RORA: variants seen among roughly 807,000 people sequenced by gnomAD.
The protein encoded by RORA is nuclear receptor ROR-alpha.
RORA carries 7 observed loss-of-function variants against 69.5 expected under a neutral mutation model. That is an observed-to-expected ratio of 0.10 (90% CI 0.06 to 0.19). RORA has a LOEUF of 0.19. Among genes scored for constraint, RORA ranks in the 10% least tolerant of loss-of-function variants. The probability of loss-of-function intolerance (pLI) is 1.00; values close to 1 mark genes in which losing one functional copy is unlikely to be tolerated. For synonymous variants in RORA, 261 were observed against 240.8 expected, an observed-to-expected ratio of 1.08 and a Z score of -0.78; for missense variants, 457 against 663.0, an observed-to-expected ratio of 0.69 and a Z score of 3.41.
intron 1 of RORA, among the ~76,000 whole-genome samples, chr15:60,680,511 C>T (rs966268718): frequency 2.6e-5 from 4 of 151,936 alleles, no homozygotes; most frequent in South Asian, 2.1e-4. Flanking sequence ...TGCTTGATCT[C>T]GGAGGTCGCA....
Position 61,149,524 on chromosome 15 carries a change from A to G in RORA, c.166+79529T>C, listed in dbSNP as rs1196139065. Among the ~76,000 whole-genome samples, 4 of 152,166 alleles carry G rather than the reference A, an allele frequency of 2.6e-5. No individual in the cohort carries two copies. In the South Asian group the frequency reaches 6.2e-4, roughly 24 times the overall value. ...TATTTATTTATTTATTGCCTTTCCTATCTCCCTCCAGAAAGGATCTGAAGA... is the reference window on the plus strand; with the variant it reads ...TATTTATTTATTTATTGCCTTTCCTGTCTCCCTCCAGAAAGGATCTGAAGA... On this transcript the variant is annotated intron_variant, in intron 1 of 10. Coordinates refer to ENST00000335670, the MANE Select transcript of RORA (RefSeq NM_134261.3).
At chr15:60,876,287 T>C (rs555952649) in intron 1 of RORA, among the ~76,000 whole-genome samples, 1 of 136,932 alleles carries the variant, frequency 7.3e-6, no homozygotes, top group East Asian at 2.3e-4. Flanking sequence ...CTGGGATCTG[T>C]CATTTGTGGG....
intron 1 of RORA, among the ~76,000 whole-genome samples, chr15:60,936,857 CTG>C (rs1892539174): frequency 6.6e-6 from 1 of 152,218 alleles, no homozygotes; most frequent in Non-Finnish European, 1.5e-5. Flanking sequence ...TGAGGACTGT[CTG>C]TAAAACCATT....
intron 1 of RORA, among the ~76,000 whole-genome samples, chr15:61,017,768 C>T (rs1401435011): frequency 6.6e-6 from 1 of 152,164 alleles, no homozygotes; most frequent in Non-Finnish European, 1.5e-5. Context: ...TGATGACGTG[C>T]CACAAAGCAT....
At chr15:61,157,465 A>G (rs2079454578) in intron 1 of RORA, among the ~76,000 whole-genome samples, 3 of 152,214 alleles carry the variant, frequency 2.0e-5, no homozygotes, top group Non-Finnish European at 2.9e-5. Flanking sequence ...AACTACATTT[A>G]TAAAGTTTAA....
intron 3 of RORA, among the ~76,000 whole-genome samples, chr15:60,519,068 T>G (rs1364981621): frequency 6.6e-6 from 1 of 152,220 alleles, no homozygotes; most frequent in Non-Finnish European, 1.5e-5. Context: ...GTGCCTAATT[T>G]ATAAGTTCAA....
chr15:60,659,785 A>G (rs1247893742), intron 2 of RORA, among the ~76,000 whole-genome samples: 5 of 152,226 alleles, frequency 3.3e-5, no homozygotes, highest in East Asian at 1.9e-4. Context: ...AAAAAATTGA[A>G]TAGCATAATC....
chr15:60,721,955 ACAT>A (rs1156414084), intron 1 of RORA, among the ~76,000 whole-genome samples: 4 of 152,258 alleles, frequency 2.6e-5, no homozygotes, highest in Non-Finnish European at 5.9e-5. Flanking sequence ...CTTTAGAAAC[ACAT>A]CAATTGTTTA....
chr15:60,613,101 T>C (rs2069137917), intron 2 of RORA, among the ~76,000 whole-genome samples: 1 of 152,126 alleles, frequency 6.6e-6, no homozygotes. Context: ...ATGTGTTGCA[T>C]AAGTCATTTC....
rs73434288 is a variant in RORA at position 60,990,777 on chromosome 15, C to T, written c.166+238276G>A. Among the ~76,000 whole-genome samples, 713 of 152,154 alleles carry T rather than the reference C, an allele frequency of 4.7e-3. 2 individuals are homozygous for T. The highest frequency in any genetic ancestry group is 0.016 in the African/African-American group (670 of 41,492). On this transcript the variant is annotated intron_variant, in intron 1 of 10. Coordinates refer to ENST00000335670, the MANE Select transcript of RORA (RefSeq NM_134261.3). ...TTCCAAAAAAGCAAAAATACTTGGA[C>T]CATTATTTAATACACATTTACTCAA... is the stretch of plus-strand genomic sequence containing the variant.
chr15:60,534,309 T>C lies in RORA; in HGVS notation c.197-2458A>G, dbSNP rs539844169. ...GGGTAGGGGTGCGGGTGGGGAGCAGTTGTAGTACAGACCCCAGAGTTTGGT... is the reference window on the plus strand; with the variant it reads ...GGGTAGGGGTGCGGGTGGGGAGCAGCTGTAGTACAGACCCCAGAGTTTGGT... On this transcript the variant is annotated intron_variant, in intron 2 of 10. Transcript: ENST00000335670. The surrounding 1 kb of genome is among the most constrained non-coding windows in gnomAD (Gnocchi z 5.0). Among the ~76,000 whole-genome samples the C allele has an allele frequency of 5.2e-4, 79 of 152,188 alleles. No homozygotes were observed. The highest frequency in any genetic ancestry group is 1.8e-3 in the African/African-American group (75 of 41,532).
chr15:60,648,629 T>C (rs2070094312), intron 2 of RORA, among the ~76,000 whole-genome samples: 1 of 152,238 alleles, frequency 6.6e-6, no homozygotes, highest in African/African-American at 2.4e-5. Flanking sequence ...ATGTCTGTCA[T>C]GAAATCTGAT....
chr15:60,834,660 T>C (rs4775301), intron 1 of RORA, among the ~76,000 whole-genome samples: 62,657 of 152,116 alleles, frequency 0.41, 14,802 homozygotes, highest in Middle Eastern at 0.56. Flanking sequence ...ACAAAGCCCA[T>C]GGGGGAAGAA....
chr15:60,613,572 C>T (rs1462938445), intron 2 of RORA, among the ~76,000 whole-genome samples: 1 of 151,980 alleles, frequency 6.6e-6, no homozygotes. Context: ...TGTAACATGC[C>T]CACCAGATTG....
chr15:61,145,701 TA>T lies in RORA; in HGVS notation c.166+83351del, dbSNP rs2079339543. ...TTCAATCCACTCATAACCCTTTTCC[TA>T]AAAGAGAATTCAAAAGACTGAGGTG... is the stretch of plus-strand genomic sequence containing the variant. On this transcript the variant is annotated intron_variant, in intron 1 of 10. Transcript: ENST00000335670. Among the ~76,000 whole-genome samples, 3 of 152,182 alleles carry T rather than the reference TA, an allele frequency of 2.0e-5. No individual in the cohort carries two copies. The South Asian group carries it at 6.2e-4, about 32-fold the overall frequency.
intron 1 of RORA, among the ~76,000 whole-genome samples, chr15:60,917,201 C>G (rs571911427): frequency 1.3e-5 from 2 of 152,218 alleles, no homozygotes; most frequent in Non-Finnish European, 2.9e-5. Flanking sequence ...CATGCATTTT[C>G]AATCCAATTT....
At chr15:60,601,121 T>C (rs931360322) in intron 2 of RORA, 5 of 152,178 alleles carry the variant, frequency 3.3e-5, no homozygotes, top group African/African-American at 7.2e-5. Flanking sequence ...ATTGAATTAA[T>C]TTTTCCTTCA....
At chr15:60,556,616 G>T (rs1567084386) in intron 2 of RORA, among the ~76,000 whole-genome samples, 3 of 152,176 alleles carry the variant, frequency 2.0e-5, no homozygotes, top group Non-Finnish European at 4.4e-5. Context: ...TGGGGAATGT[G>T]CCTGTGGACC....
At chr15:60,571,348 G>A (rs2067876409) in intron 2 of RORA, among the ~76,000 whole-genome samples, 1 of 152,066 alleles carries the variant, frequency 6.6e-6, no homozygotes, top group African/African-American at 2.4e-5. Context: ...TGCCTGTAAA[G>A]ACTAAATTAA....
Sources: allele counts gnomAD v4.1 joint callset (sites outside exome capture counted in the v4.1 genomes callset), GRCh38; gene constraint gnomAD v4.1.1; non-coding constraint Gnocchi (gnomAD v3.1); transcripts MANE v1.5; gene names NCBI Gene and HGNC (gene_info 2026-07-23, HGNC 2026-07-21).